CYP7B1: variants seen among roughly 807,000 people sequenced by gnomAD.
The protein encoded by CYP7B1 is cytochrome P450 family 7 subfamily B member 1, also known as cytochrome P450 7B1.
CYP7B1 carries 29 observed loss-of-function variants against 42.7 expected under a neutral mutation model. That is an observed-to-expected ratio of 0.68 (90% CI 0.51 to 0.93). CYP7B1 has a LOEUF of 0.93. CYP7B1 is among the 40% of genes least tolerant of loss of function. The pLI, the probability that CYP7B1 is intolerant of heterozygous loss-of-function variation, is 0.00. For synonymous variants in CYP7B1, 235 were observed against 218.2 expected (o/e 1.08, Z -0.68); for missense variants, 655 against 600.5 (o/e 1.09, Z -0.95).
chr8:64,775,257 T>C (rs1284964257), intron 1 of CYP7B1, among the ~76,000 whole-genome samples: 12 of 152,190 alleles, frequency 7.9e-5, no homozygotes, highest in Admixed American at 7.9e-4. Context: ...CTTGTGATCC[T>C]TATACAGTGA....
chr8:64,792,131 A>G (rs1804628098), intron 1 of CYP7B1, among the ~76,000 whole-genome samples: 1 of 152,204 alleles, frequency 6.6e-6, no homozygotes, highest in South Asian at 2.1e-4. Context: ...TCATAGCTCT[A>G]TTGTGTCCTA....
At chr8:64,745,914 C>G (rs1368304806) in intron 1 of CYP7B1, among the ~76,000 whole-genome samples, 1 of 152,184 alleles carries the variant, frequency 6.6e-6, no homozygotes, top group African/African-American at 2.4e-5. Flanking sequence ...ACAGCTGCCT[C>G]TGCCATACTC....
intron 1 of CYP7B1, among the ~76,000 whole-genome samples, chr8:64,649,732 T>C (rs1388178626): frequency 6.6e-6 from 1 of 152,220 alleles, no homozygotes; most frequent in East Asian, 1.9e-4. Context: ...TTATTTTCTG[T>C]TGTTTTGATA....
intron 1 of CYP7B1, among the ~76,000 whole-genome samples, chr8:64,722,356 A>G (rs1189050329): frequency 6.6e-6 from 1 of 152,178 alleles, no homozygotes; most frequent in Non-Finnish European, 1.5e-5. Context: ...AAATATGGCT[A>G]TGAATATTAG....
At chr8:64,684,749 T>C (rs1400786322) in intron 1 of CYP7B1, among the ~76,000 whole-genome samples, 1 of 152,162 alleles carries the variant, frequency 6.6e-6, no homozygotes, top group Admixed American at 6.5e-5. Flanking sequence ...CTATATAATA[T>C]AGAAATGCAC....
At chr8:64,658,675 C>T (rs1162138602) in intron 1 of CYP7B1, among the ~76,000 whole-genome samples, 1 of 152,152 alleles carries the variant, frequency 6.6e-6, no homozygotes, top group African/African-American at 2.4e-5. Flanking sequence ...ATTACAACCA[C>T]TTTCCTCATT....
chr8:64,798,553 A>C lies in CYP7B1; in HGVS notation c.35T>G (p.Phe12Cys). Residue 12 changes from phenylalanine (F) to cysteine (C), a missense_variant, in exon 1 of 6, where the codon TTT becomes TGT. Physicochemically the swap from Phe to Cys is radical, Grantham distance 205 (BLOSUM62 -2). Transcript: ENST00000310193. ...AGEVSAATGR[F>C]SLERLGLPGL... is the part of the protein sequence containing the mutation. ...CGGGAGGCCCAACCGCTCCAGCGAAAAGCGGCCCGTGGCCGCGGACACTTC... is the reference window on the plus strand; with the variant it reads ...CGGGAGGCCCAACCGCTCCAGCGAACAGCGGCCCGTGGCCGCGGACACTTC... The C allele has an allele frequency of 6.7e-7, 1 of 1,493,964 alleles. No homozygotes were observed. The highest frequency in any genetic ancestry group is 8.8e-7 in the Non-Finnish European group (1 of 1,130,792). The allele number at this position is 1,493,964 out of a possible 1,614,324, so 92.5% of individuals were successfully genotyped here.
At chr8:64,620,075 A>C (rs933400307) in intron 2 of CYP7B1, among the ~76,000 whole-genome samples, 1 of 152,170 alleles carries the variant, frequency 6.6e-6, no homozygotes, top group South Asian at 2.1e-4. Context: ...GGTCCCAGCT[A>C]CTCAGGAAGC....
At chr8:64,687,852 G>A (rs753019513) in intron 1 of CYP7B1, among the ~76,000 whole-genome samples, 104 of 152,126 alleles carry the variant, frequency 6.8e-4, no homozygotes, top group Non-Finnish European at 1.2e-3. Context: ...TAAAAGCCTC[G>A]CTCGTTACTT....
At chr8:64,790,695 T>C (rs1475978362) in intron 1 of CYP7B1, among the ~76,000 whole-genome samples, 1 of 152,188 alleles carries the variant, frequency 6.6e-6, no homozygotes, top group Non-Finnish European at 1.5e-5. Context: ...CCCAAGAGTG[T>C]TTACAATATC....
At chr8:64,643,098 CACATATATAT>C (rs1467912103) in intron 1 of CYP7B1, among the ~76,000 whole-genome samples, 29 of 141,286 alleles carry the variant, frequency 2.1e-4, no homozygotes, top group South Asian at 2.3e-4. Context: ...TATATATATA[CACATATATAT>C]ACATATATAT....
intron 1 of CYP7B1, among the ~76,000 whole-genome samples, chr8:64,715,726 G>C (rs984440619): frequency 2.6e-5 from 4 of 152,142 alleles, no homozygotes; most frequent in African/African-American, 9.7e-5. Flanking sequence ...ACCCAAAAGA[G>C]GGAAACGTAG....
chr8:64,749,318 T>C (rs1330597810), intron 1 of CYP7B1, among the ~76,000 whole-genome samples: 2 of 152,134 alleles, frequency 1.3e-5, no homozygotes, highest in Admixed American at 6.5e-5. Context: ...TGATCTCAGG[T>C]GATCCACTCG....
intron 2 of CYP7B1, among the ~76,000 whole-genome samples, chr8:64,623,431 G>A (rs573001611): frequency 6.6e-6 from 1 of 152,270 alleles, no homozygotes; most frequent in East Asian, 1.9e-4. Context: ...AGACCATCTC[G>A]GATCATCCAG....
chr8:64,794,484 A>G (rs906650616), intron 1 of CYP7B1, among the ~76,000 whole-genome samples: 16 of 152,216 alleles, frequency 1.1e-4, no homozygotes, highest in African/African-American at 3.6e-4. Context: ...GAAGTCCAAG[A>G]TCAAGGCACA....
rs532481603 is a variant in CYP7B1 at position 64,683,984 on chromosome 8, C to T, written c.123-59445G>A. On this transcript the variant is annotated intron_variant, in intron 1 of 5. Coordinates refer to ENST00000310193, the MANE Select transcript of CYP7B1 (RefSeq NM_004820.5). ...TCCCCTGACTCCCTGTCTGCACACT[C>T]CTTTCATTACCCCATCACACTCTCT... is the stretch of plus-strand genomic sequence containing the variant. Among the ~76,000 whole-genome samples, 4 of 152,186 alleles carry T rather than the reference C, an allele frequency of 2.6e-5. No homozygotes were observed. The East Asian group carries it at 7.7e-4, about 29-fold the overall frequency.
At chr8:64,629,871 G>A (rs1174847049) in intron 1 of CYP7B1, among the ~76,000 whole-genome samples, 3 of 152,208 alleles carry the variant, frequency 2.0e-5, no homozygotes, top group African/African-American at 7.2e-5. Flanking sequence ...CAAGGCTGTG[G>A]ATGGGAGATC....
intron 1 of CYP7B1, among the ~76,000 whole-genome samples, chr8:64,685,213 G>A (rs1013499518): frequency 6.6e-6 from 1 of 150,986 alleles, no homozygotes; most frequent in African/African-American, 2.4e-5. Context: ...GCCCCGCGGG[G>A]CCCGAGGGCA....
In CYP7B1 at chr8:64,647,398, G is replaced by T. The variant is rs550752225; in HGVS notation, c.123-22859C>A. Among the ~76,000 whole-genome samples the T allele has an allele frequency of 2.0e-5, 3 of 152,280 alleles. No individual in the cohort carries two copies. In the East Asian group the frequency reaches 5.8e-4, roughly 29 times the overall value. On this transcript the variant is annotated intron_variant, in intron 1 of 5. Transcript: ENST00000310193. ...ACATGGTGTTGCAAAAAAAAATGGT[G>T]CTGATAGATTTGCTTAATTCAGGAC... is the stretch of plus-strand genomic sequence containing the variant.
Sources: gnomAD v4.1 joint callset for allele counts (sites outside exome capture counted in the v4.1 genomes callset) on GRCh38, gnomAD v4.1.1 for gene constraint, MANE v1.5 for transcripts, NCBI Gene and HGNC (gene_info 2026-07-23, HGNC 2026-07-21) for gene names.